PRKN: variants seen among roughly 807,000 people sequenced by gnomAD.
PRKN encodes the protein E3 ubiquitin-protein ligase parkin.
PRKN carries 56 observed loss-of-function variants against 59.5 expected under a neutral mutation model. The ratio of observed to expected loss-of-function variants is 0.94; its 90% CI spans 0.76 to 1.18. The LOEUF (loss-of-function observed/expected upper bound fraction) is 1.18, where lower values mean the gene tolerates loss of function less well. Among genes scored for constraint, PRKN ranks in the 50% most tolerant of loss-of-function variants. PRKN has a pLI of 0.00. For missense variants in PRKN, 657 were observed against 596.4 expected, an observed-to-expected ratio of 1.10 and a Z score of -1.06; for synonymous variants, 250 against 222.1, an observed-to-expected ratio of 1.13 and a Z score of -1.12.
chr6:162,200,432 C>T (rs952179445), intron 4 of PRKN, among the ~76,000 whole-genome samples: 9 of 152,194 alleles, frequency 5.9e-5, no homozygotes, highest in African/African-American at 2.2e-4. Flanking sequence ...GAGCTGTAGG[C>T]AACATGTACA....
intron 1 of PRKN, among the ~76,000 whole-genome samples, chr6:162,583,372 G>A (rs1402013379): frequency 6.6e-6 from 1 of 152,216 alleles, no homozygotes; most frequent in African/African-American, 2.4e-5. Context: ...GACCAGCTAG[G>A]ACAGAAACAC....
intron 1 of PRKN, among the ~76,000 whole-genome samples, chr6:162,489,475 G>C (rs1792706708): frequency 6.6e-6 from 1 of 152,156 alleles, no homozygotes; most frequent in African/African-American, 2.4e-5. Flanking sequence ...AAAAAAGTAT[G>C]AGTTTGGACC....
chr6:162,339,439 C>T (rs1260990438), intron 2 of PRKN, among the ~76,000 whole-genome samples: 4 of 143,964 alleles, frequency 2.8e-5, no homozygotes, highest in South Asian at 2.2e-4. Flanking sequence ...AGGTGAGGGG[C>T]GCCTCTGCCC....
At chr6:162,500,532 G>A (rs539673556) in intron 1 of PRKN, among the ~76,000 whole-genome samples, 1 of 152,126 alleles carries the variant, frequency 6.6e-6, no homozygotes, top group Admixed American at 6.5e-5. Context: ...TCAGGAAGAC[G>A]GACGGAATGA....
intron 1 of PRKN, among the ~76,000 whole-genome samples, chr6:162,710,414 C>CACACACACACA (rs759309558): frequency 1.3e-4 from 19 of 150,098 alleles, no homozygotes; most frequent in Admixed American, 3.3e-4. Flanking sequence ...CACACACACA[C>CACACACACACA]AACTGTTTGG....
intron 6 of PRKN, among the ~76,000 whole-genome samples, chr6:161,808,875 CTG>C (rs1420090331): frequency 6.6e-6 from 1 of 152,186 alleles, no homozygotes; most frequent in Admixed American, 6.5e-5. Context: ...GGGTCTCACT[CTG>C]TTGCTGAGGC....
At chr6:161,531,567 C>G (rs1779214306) in intron 9 of PRKN, among the ~76,000 whole-genome samples, 1 of 152,050 alleles carries the variant, frequency 6.6e-6, no homozygotes, top group South Asian at 2.1e-4. Flanking sequence ...AGAAAGGAAC[C>G]TGGGCAGAAT....
chr6:162,350,672 C>T (rs1293861518), intron 2 of PRKN, among the ~76,000 whole-genome samples: 3 of 152,216 alleles, frequency 2.0e-5, no homozygotes, highest in African/African-American at 7.2e-5. Context: ...AAAATTAACA[C>T]ACAATTGATC....
intron 6 of PRKN, among the ~76,000 whole-genome samples, chr6:161,818,753 A>G (rs1365524732): frequency 6.6e-6 from 1 of 152,130 alleles, no homozygotes; most frequent in Non-Finnish European, 1.5e-5. Flanking sequence ...CAAAAAAACT[A>G]GAAGGCAAGA....
intron 1 of PRKN, among the ~76,000 whole-genome samples, chr6:162,503,576 AAC>A (rs1467215984): frequency 6.6e-6 from 1 of 152,214 alleles, no homozygotes; most frequent in African/African-American, 2.4e-5. Context: ...CATAATTTAA[AAC>A]ATAATCTAAT....
At position 161,985,203 on chromosome 6, in the gene PRKN, G is replaced by T. The variant is rs1057177678; in HGVS notation, c.619-11786C>A. Among the ~76,000 whole-genome samples, 8 of 152,220 alleles carry T rather than the reference G, an allele frequency of 5.3e-5. No individual in the cohort carries two copies. In the South Asian group the frequency reaches 8.3e-4, roughly 16 times the overall value. ...TTTGTAGCCTAGCCCGACAATAAAA[G>T]AACATTTATTATTCTAGCTGTTCTT... On this transcript the variant is annotated intron_variant, in intron 5 of 11. Coordinates refer to ENST00000366898, the MANE Select transcript of PRKN (RefSeq NM_004562.3).
intron 1 of PRKN, among the ~76,000 whole-genome samples, chr6:162,495,992 C>G (rs758956250): frequency 1.3e-5 from 2 of 152,172 alleles, no homozygotes; most frequent in Non-Finnish European, 2.9e-5. Context: ...GCTCACAGCA[C>G]TTTGGAAGGC....
intron 1 of PRKN, among the ~76,000 whole-genome samples, chr6:162,637,123 G>A (rs1359285839): frequency 6.6e-6 from 1 of 151,968 alleles, no homozygotes; most frequent in Non-Finnish European, 1.5e-5. Context: ...CGGGCGTGGT[G>A]GCGGGTGCCT....
intron 1 of PRKN, among the ~76,000 whole-genome samples, chr6:162,692,370 GC>G (rs1302899597): frequency 6.6e-6 from 1 of 152,088 alleles, no homozygotes; most frequent in Admixed American, 6.6e-5. Flanking sequence ...GGAGTATCCT[GC>G]CTAGTAAGAG....
At chr6:161,625,224 T>C (rs964155988) in intron 7 of PRKN, among the ~76,000 whole-genome samples, 1 of 152,154 alleles carries the variant, frequency 6.6e-6, no homozygotes, top group African/African-American at 2.4e-5. Flanking sequence ...CATGCAATAC[T>C]ATGCAGCCAT....
chr6:162,684,659 A>G (rs1041479325), intron 1 of PRKN, among the ~76,000 whole-genome samples: 3 of 152,114 alleles, frequency 2.0e-5, no homozygotes, highest in African/African-American at 7.2e-5. Flanking sequence ...TGCATAATAC[A>G]TGGGGTTACT....
At chr6:161,516,826 CAAAAAAAAAA>C (rs369136348) in intron 9 of PRKN, among the ~76,000 whole-genome samples, 2 of 63,210 alleles carry the variant, frequency 3.2e-5, no homozygotes, top group Admixed American at 2.2e-4. Context: ...GACTCAATCT[CAAAAAAAAAA>C]AAAAAAAAAA....
At chr6:161,676,249 A>C (rs1785082826) in intron 7 of PRKN, among the ~76,000 whole-genome samples, 1 of 152,202 alleles carries the variant, frequency 6.6e-6, no homozygotes, top group South Asian at 2.1e-4. Context: ...TGTCTCTCCA[A>C]CAAGGAGTTC....
At chr6:161,674,964 T>G (rs1378018979) in intron 7 of PRKN, among the ~76,000 whole-genome samples, 1 of 152,190 alleles carries the variant, frequency 6.6e-6, no homozygotes, top group Non-Finnish European at 1.5e-5. Flanking sequence ...GCCCAGGGCT[T>G]GCTATTGATT....
Sources: gnomAD v4.1 joint callset for allele counts (sites outside exome capture counted in the v4.1 genomes callset) on GRCh38, gnomAD v4.1.1 for gene constraint, MANE v1.5 for transcripts, NCBI Gene and HGNC (gene_info 2026-07-23, HGNC 2026-07-21) for gene names.